The following LRP1B variants were observed in gnomAD, a reference collection of about 807,000 sequenced individuals.
The protein encoded by LRP1B is LDL receptor related protein 1B.
A neutral mutation model predicts 556.6 loss-of-function variants in LRP1B; 217 were observed. The observed-to-expected ratio is 0.39, with a 90% CI of 0.35 to 0.44. The LOEUF (loss-of-function observed/expected upper bound fraction) is 0.44, where lower values mean the gene tolerates loss of function less well. LRP1B is among the 20% of genes least tolerant of loss of function. LRP1B has a pLI of 1.00. For synonymous variants in LRP1B, 2,047 were observed against 1,865.8 expected, an observed-to-expected ratio of 1.10 and a Z score of -2.50; for missense variants, 5,053 against 5,620.8, an observed-to-expected ratio of 0.90 and a Z score of 3.23.
intron 5 of LRP1B, among the ~76,000 whole-genome samples, chr2:141,237,703 T>A (rs1307930454): frequency 2.0e-5 from 3 of 152,208 alleles, no homozygotes; most frequent in Non-Finnish European, 4.4e-5. Flanking sequence ...ATATTGTTTT[T>A]CTGGAAGAAG....
intron 43 of LRP1B, among the ~76,000 whole-genome samples, chr2:140,557,348 C>T (rs976061065): frequency 6.6e-6 from 1 of 152,060 alleles, no homozygotes; most frequent in South Asian, 2.1e-4. Context: ...GCTTTAGAAA[C>T]TTGTCTCAAT....
At chr2:141,551,446 C>T (rs72853583) in intron 2 of LRP1B, among the ~76,000 whole-genome samples, 4,176 of 151,998 alleles carry the variant, frequency 0.027, 82 homozygotes, top group Middle Eastern at 0.069. Flanking sequence ...AAATGCCATC[C>T]AAGGTTACAC....
chr2:141,886,958 CTTTTTCT>C (rs1439523542), intron 1 of LRP1B, among the ~76,000 whole-genome samples: 1 of 81,186 alleles, frequency 1.2e-5, no homozygotes, highest in Non-Finnish European at 2.3e-5. Flanking sequence ...GTTGATTTTT[CTTTTTCT>C]TTTTTTTTTT....
chr2:140,379,959 A>G (rs1437053664), intron 67 of LRP1B, among the ~76,000 whole-genome samples: 1 of 151,824 alleles, frequency 6.6e-6, no homozygotes, highest in East Asian at 1.9e-4. Flanking sequence ...ATTCACATAG[A>G]TTATGCTTTA....
At chr2:141,561,509 T>C (rs1686151044) in intron 2 of LRP1B, among the ~76,000 whole-genome samples, 2 of 151,866 alleles carry the variant, frequency 1.3e-5, no homozygotes, top group Non-Finnish European at 2.9e-5. Flanking sequence ...TCTCTGTGAA[T>C]ATCCCCATTT....
intron 41 of LRP1B, among the ~76,000 whole-genome samples, chr2:140,621,318 G>C (rs1683444691): frequency 6.7e-6 from 1 of 148,728 alleles, no homozygotes; most frequent in Non-Finnish European, 1.5e-5. Flanking sequence ...CTCAGGAGCA[G>C]AGGTTGCGGT....
intron 77 of LRP1B, among the ~76,000 whole-genome samples, chr2:140,337,553 A>G (rs1681163053): frequency 1.3e-5 from 2 of 151,886 alleles, no homozygotes; most frequent in Admixed American, 6.6e-5. Context: ...TGTGCATGTC[A>G]GTGTGAATCA....
intron 47 of LRP1B, among the ~76,000 whole-genome samples, chr2:140,529,437 G>GA (rs1558946318): frequency 9.1e-6 from 1 of 109,372 alleles, no homozygotes; most frequent in African/African-American, 4.3e-5. Flanking sequence ...TGAAAAGGGG[G>GA]GGGGGAAGCA....
rs543626877 is a variant in LRP1B, at chr2:141,634,538, A to G, written c.206-154005T>C. Among the ~76,000 whole-genome samples the G allele has an allele frequency of 2.7e-3, 403 of 152,074 alleles. 2 individuals are homozygous for G. The highest frequency in any genetic ancestry group is 9.1e-3 in the African/African-American group (378 of 41,554). On this transcript the variant is annotated intron_variant, in intron 2 of 90. Coordinates refer to ENST00000389484, the MANE Select transcript of LRP1B (RefSeq NM_018557.3). ...AGGCACTAAAACTAAAGACTTCTTA[A>G]TCTTAATCTATTGTTCTACCCACAT...
intron 3 of LRP1B, among the ~76,000 whole-genome samples, chr2:141,461,289 T>C (rs1681859656): frequency 6.6e-6 from 1 of 152,078 alleles, no homozygotes; most frequent in African/African-American, 2.4e-5. Context: ...AAACTATTGA[T>C]AGAAAAATTA....
At chr2:141,270,291 A>G (rs572699854) in intron 3 of LRP1B, among the ~76,000 whole-genome samples, 62 of 152,260 alleles carry the variant, frequency 4.1e-4, no homozygotes, top group African/African-American at 1.5e-3. Context: ...ACAAACACAA[A>G]TGGAAAATAA....
chr2:142,044,620 A>G (rs893497426), intron 1 of LRP1B, among the ~76,000 whole-genome samples: 2 of 151,750 alleles, frequency 1.3e-5, no homozygotes, highest in African/African-American at 4.8e-5. Flanking sequence ...TTTTTTAAAA[A>G]GCAAATTTTT....
chr2:140,901,712 A>G lies in LRP1B; in HGVS notation c.3766+1208T>C, dbSNP rs183326559. ...TGTTTCAAAAAGTATAGATGAGAAA[A>G]CATATTGAAGTGCACTTATTGAAAT... On this transcript the variant is annotated intron_variant, in intron 23 of 90. Coordinates refer to ENST00000389484, the MANE Select transcript of LRP1B (RefSeq NM_018557.3). Among the ~76,000 whole-genome samples, 343 of 152,340 alleles carry G rather than the reference A, an allele frequency of 2.3e-3. 1 individual carries two copies. Among genetic ancestry groups the G allele is most frequent in the African/African-American group, 7.7e-3 (320 of 41,586 alleles).
Position 141,126,813 on chromosome 2 carries a change from C to A in LRP1B, c.1013+61608G>T, listed in dbSNP as rs112950244. On this transcript the variant is annotated intron_variant, in intron 7 of 90. Transcript: ENST00000389484. ...TTTTACTAGCTCAGGTTCCCTAGTACCTCAATCCAACAAGCCTCCAACCCC... is the reference window on the plus strand; with the variant it reads ...TTTTACTAGCTCAGGTTCCCTAGTAACTCAATCCAACAAGCCTCCAACCCC... 4.2e-4 allele frequency among the ~76,000 whole-genome samples: 64 copies of A among 152,104 alleles called. 1 individual carries two copies. Among genetic ancestry groups the A allele is most frequent in the Non-Finnish European group, 6.6e-4 (45 of 68,020 alleles).
chr2:141,728,938 G>A (rs987440795), intron 2 of LRP1B, among the ~76,000 whole-genome samples: 5 of 152,138 alleles, frequency 3.3e-5, no homozygotes, highest in South Asian at 4.1e-4. Context: ...TTTGCTAGGT[G>A]GAGAGGGGGG....
In LRP1B at chr2:141,058,398, G is replaced by C. The variant is rs536731829; in HGVS notation, c.1408+485C>G. Among the ~76,000 whole-genome samples, 3 of 151,640 alleles carry C rather than the reference G, an allele frequency of 2.0e-5. No homozygotes were observed. In the South Asian group the frequency reaches 6.3e-4, roughly 32 times the overall value. On this transcript the variant is annotated intron_variant, in intron 9 of 90. Coordinates refer to ENST00000389484, the MANE Select transcript of LRP1B (RefSeq NM_018557.3). ...TCACTAATCTCCTGTAGAAACAACTGGTTTGTTTTTCTGAGAAAAACTGCA... is the reference window on the plus strand; with the variant it reads ...TCACTAATCTCCTGTAGAAACAACTCGTTTGTTTTTCTGAGAAAAACTGCA...
In LRP1B at chr2:140,241,801, T is replaced by C. The variant is rs917106427; in HGVS notation, c.13325-2269A>G. 2.0e-4 allele frequency among the ~76,000 whole-genome samples: 30 copies of C among 151,152 alleles called. 1 individual carries two copies. The South Asian group carries it at 3.7e-3, about 19-fold the overall frequency. ...ATTATAAAAATAAGTACTTTTTCCC[T>C]AGTATTATATATGACAGTAAATTTC... On this transcript the variant is annotated intron_variant, in intron 87 of 90. Coordinates refer to ENST00000389484, the MANE Select transcript of LRP1B (RefSeq NM_018557.3).
rs1264908866 is a variant in LRP1B at position 141,055,123 on chromosome 2, T to C, written c.1545A>G (p.Ser515=). 6.2e-7 allele frequency: 1 copy of C among 1,611,984 alleles called. No homozygotes were observed. The highest frequency in any genetic ancestry group is 1.1e-5 in the South Asian group (1 of 90,974). ...TTTATTTTAACAACATACTTTTGCA[T>C]GACCTGCCATCACTTCCCAAGTTGA... The part of the protein sequence containing the change: ...TGFNLGSDGR[S]CKRPKNELFL... Residue 515 remains serine, a synonymous_variant, in exon 10 of 91, where the codon TCA becomes TCG. Transcript: ENST00000389484.
At chr2:140,337,868 T>C (rs143127493) in intron 77 of LRP1B, among the ~76,000 whole-genome samples, 12 of 151,942 alleles carry the variant, frequency 7.9e-5, no homozygotes, top group African/African-American at 2.6e-4. Flanking sequence ...AAAATTCTGA[T>C]TATCCTTCAA....
Sources: allele counts gnomAD v4.1 joint callset (sites outside exome capture counted in the v4.1 genomes callset), GRCh38; gene constraint gnomAD v4.1.1; transcripts MANE v1.5; gene names NCBI Gene and HGNC (gene_info 2026-07-23, HGNC 2026-07-21).